The following LMNTD1 variants were observed in gnomAD, a reference collection of about 807,000 sequenced individuals.
The protein encoded by LMNTD1 is lamin tail domain-containing protein 1.
LMNTD1 carries 35 observed loss-of-function variants against 50.9 expected under a neutral mutation model. The ratio of observed to expected loss-of-function variants is 0.69; its 90% confidence interval spans 0.53 to 0.91. The LOEUF is 0.91. Ranked by LOEUF, LMNTD1 falls within the 40% of genes least tolerant of loss-of-function variation. The pLI is 0.00. For missense variants in LMNTD1, 470 were observed against 475.5 expected, an observed-to-expected ratio of 0.99 and a Z score of 0.11; for synonymous variants, 153 against 161.9, an observed-to-expected ratio of 0.94 and a Z score of 0.42.
chr12:25,557,499 C>T (rs1592008494), upstream of LMNTD1: 1 of 152,308 alleles, frequency 6.6e-6, no homozygotes, highest in East Asian at 1.9e-4. Context: ...TTACACATTA[C>T]ATGTATTTTA....
In LMNTD1 at chr12:25,488,832, G is replaced by C. The variant is rs578084807; in HGVS notation, c.*23-12372C>G. Among the ~76,000 whole-genome samples the C allele has an allele frequency of 3.6e-3, 554 of 152,286 alleles. 6 individuals carry two copies. Among genetic ancestry groups the C allele is most frequent in the African/African-American group, 0.013 (540 of 41,564 alleles). On this transcript the variant is annotated intron_variant, in intron 9 of 9. Coordinates refer to ENST00000458174, the MANE Select transcript of LMNTD1 (RefSeq NM_001145728.2). The stretch of plus-strand genomic sequence containing the variant: ...TTCGGTGTGGATGTCCTTTCTGTTT[G>C]TTTTCCTTCTAACAGACAGGATCCT...
At chr12:25,627,470 C>T (rs1007107361) in intron 1 of LMNTD1, among the ~76,000 whole-genome samples, 2 of 152,114 alleles carry the variant, frequency 1.3e-5, no homozygotes, top group Non-Finnish European at 2.9e-5. Context: ...TGTTAGCATG[C>T]CCTGAATGTC....
chr12:25,486,517 C>T (rs1048316463), intron 9 of LMNTD1, among the ~76,000 whole-genome samples: 1 of 129,514 alleles, frequency 7.7e-6, no homozygotes, highest in African/African-American at 2.8e-5. Context: ...GCCTAATTGC[C>T]CTGGCCAGAA....
At chr12:25,626,538 A>G (rs948321582) in intron 1 of LMNTD1, among the ~76,000 whole-genome samples, 1 of 152,332 alleles carries the variant, frequency 6.6e-6, no homozygotes, top group Admixed American at 6.5e-5. Flanking sequence ...AACTGAATTC[A>G]GTATAATTTG....
chr12:25,489,015 C>T (rs1489409952), intron 9 of LMNTD1, among the ~76,000 whole-genome samples: 2 of 152,134 alleles, frequency 1.3e-5, no homozygotes, highest in Admixed American at 6.5e-5. Context: ...GCTGGGAGAA[C>T]CACTGCTCTC....
chr12:25,532,933 A>C (rs1942324533), intron 4 of LMNTD1, among the ~76,000 whole-genome samples: 1 of 151,972 alleles, frequency 6.6e-6, no homozygotes. Flanking sequence ...CACTAATTTG[A>C]CTTTTGTTTT....
chr12:25,616,093 A>AACACACAC lies in LMNTD1; in HGVS notation c.58+32393_58+32400dup, dbSNP rs10564512. On this transcript the variant is annotated intron_variant, in intron 1 of 7. Transcript: ENST00000445693. Reference sequence around the variant, plus strand: ...CACCCTCCCACCCCGACACACACATAACACACACACACACACACACACACA... The same window carrying AACACACAC: ...CACCCTCCCACCCCGACACACACATAACACACACACACACACACACACACACACACACA... 2.5e-3 allele frequency among the ~76,000 whole-genome samples: 365 copies of AACACACAC among 148,690 alleles called. 5 individuals carry two copies. Among genetic ancestry groups the AACACACAC allele is most frequent in the African/African-American group, 8.4e-3 (338 of 40,422 alleles).
rs71450756 is a variant in LMNTD1, at chr12:25,619,252, C to CTATATA, written c.58+29236_58+29241dup. 8.2e-4 allele frequency among the ~76,000 whole-genome samples: 69 copies of CTATATA among 84,404 alleles called. 1 individual carries two copies. Among genetic ancestry groups the CTATATA allele is most frequent in the African/African-American group, 3.1e-3 (60 of 19,520 alleles). 55.4% of individuals were successfully genotyped at this position (84,404 alleles called of 152,430 possible). Reference sequence around the variant, plus strand: ...TCTCTCTCTCTCTCTCTCTCTCTCTCTATATATATATATATATATATATAT... The same window carrying CTATATA: ...TCTCTCTCTCTCTCTCTCTCTCTCTCTATATATATATATATATATATATATATATAT... On this transcript the variant is annotated intron_variant, in intron 1 of 7. Transcript: ENST00000445693.
At chr12:25,531,000 T>G (rs980293001) in intron 4 of LMNTD1, among the ~76,000 whole-genome samples, 5 of 152,212 alleles carry the variant, frequency 3.3e-5, no homozygotes, top group African/African-American at 9.6e-5. Flanking sequence ...AAGGATTCGA[T>G]GCACTGTTGC....
At chr12:25,543,197 GA>G (rs886953911) in intron 4 of LMNTD1, among the ~76,000 whole-genome samples, 1 of 151,478 alleles carries the variant, frequency 6.6e-6, no homozygotes, top group African/African-American at 2.4e-5. Flanking sequence ...AGACATTTAT[GA>G]AAAAAAATTA....
chr12:25,603,646 A>G (rs1018754864), intron 1 of LMNTD1, among the ~76,000 whole-genome samples: 1 of 152,064 alleles, frequency 6.6e-6, no homozygotes, highest in African/African-American at 2.4e-5. Context: ...CTTATAGGGG[A>G]TTAACAATAC....
chr12:25,637,575 GA>G (rs1036547047), intron 1 of LMNTD1, among the ~76,000 whole-genome samples: 6 of 151,558 alleles, frequency 4.0e-5, no homozygotes, highest in South Asian at 4.2e-4. Context: ...AGAACAAAGA[GA>G]AAAAAAATGA....
chr12:25,557,175 A>G (rs1052245213), upstream of LMNTD1: 8 of 152,220 alleles, frequency 5.3e-5, no homozygotes, highest in Non-Finnish European at 1.0e-4. Flanking sequence ...TACTCAGTCA[A>G]TTCATTTCTT....
intron 9 of LMNTD1, among the ~76,000 whole-genome samples, chr12:25,478,609 ACT>A (rs1406424587): frequency 1.3e-5 from 2 of 152,058 alleles, no homozygotes; most frequent in Non-Finnish European, 2.9e-5. Flanking sequence ...ACATGGTGAA[ACT>A]CTATCCCACT....
chr12:25,549,305 T>C (rs952776576), intron 3 of LMNTD1, 21 bp downstream of exon 3: 11 of 1,366,388 alleles, frequency 8.1e-6, no homozygotes, highest in Non-Finnish European at 1.0e-5. Flanking sequence ...TCTAAAAATA[T>C]GGGTTCCATA....
intron 9 of LMNTD1, among the ~76,000 whole-genome samples, chr12:25,477,020 C>T (rs887410645): frequency 6.6e-6 from 1 of 152,122 alleles, no homozygotes; most frequent in East Asian, 1.9e-4. Context: ...ACCCATATTC[C>T]CTCTGTGCCC....
Position 25,600,442 on chromosome 12 carries a change from A to G in LMNTD1, c.58+48052T>C, listed in dbSNP as rs972077159. On this transcript the variant is annotated intron_variant, in intron 1 of 7. Coordinates refer to the LMNTD1 transcript ENST00000445693. ...GCACAGCCAACAAAAGCAGAAATGGACAAAGAGGATCAAATCAAGTTAAAA... is the reference window on the plus strand; with the variant it reads ...GCACAGCCAACAAAAGCAGAAATGGGCAAAGAGGATCAAATCAAGTTAAAA... 3.3e-4 allele frequency among the ~76,000 whole-genome samples: 50 copies of G among 152,074 alleles called. 1 individual carries two copies. Among genetic ancestry groups the G allele is most frequent in the African/African-American group, 9.9e-4 (41 of 41,452 alleles).
chr12:25,494,671 AT>A (rs945259333), intron 9 of LMNTD1, among the ~76,000 whole-genome samples: 112 of 152,200 alleles, frequency 7.4e-4, no homozygotes, highest in African/African-American at 2.5e-3. Context: ...AAGTCACATT[AT>A]TTTTTTCCCC....
At chr12:25,484,317 T>C (rs368189618) in intron 9 of LMNTD1, among the ~76,000 whole-genome samples, 1 of 151,914 alleles carries the variant, frequency 6.6e-6, no homozygotes, top group Non-Finnish European at 1.5e-5. Flanking sequence ...CAGGCTGGTC[T>C]TGAACTCCTG....
Sources: allele counts gnomAD v4.1 joint callset (sites outside exome capture counted in the v4.1 genomes callset), GRCh38; gene constraint gnomAD v4.1.1; transcripts MANE v1.5; gene names NCBI Gene and HGNC (gene_info 2026-07-23, HGNC 2026-07-21).